Variants in NYAP2 observed in about 807,000 individuals in gnomAD.
The protein encoded by NYAP2 is neuronal tyrosine-phosphorylated phosphoinositide-3-kinase adapter 2.
A neutral mutation model predicts 50.4 loss-of-function variants in NYAP2; 23 were observed. The ratio of observed to expected loss-of-function variants is 0.46; its 90% CI spans 0.33 to 0.65. The LOEUF (loss-of-function observed/expected upper bound fraction) is 0.65. Ranked by LOEUF, NYAP2 falls within the 30% of genes least tolerant of loss-of-function variation. The pLI is 0.02. For missense variants in NYAP2, 885 were observed against 861.0 expected (o/e 1.03, Z -0.35); for synonymous variants, 394 against 365.2 (o/e 1.08, Z -0.90).
At chr2:225,591,738 AATG>A (rs1240363293) in intron 5 of NYAP2, among the ~76,000 whole-genome samples, 1 of 152,168 alleles carries the variant, frequency 6.6e-6, no homozygotes, top group Non-Finnish European at 1.5e-5. Flanking sequence ...TCTTCGATTT[AATG>A]ATACCTTATC....
At chr2:225,522,763 C>A (rs1024456000) in intron 4 of NYAP2, among the ~76,000 whole-genome samples, 1 of 152,114 alleles carries the variant, frequency 6.6e-6, no homozygotes, top group Non-Finnish European at 1.5e-5. Flanking sequence ...CTATCCAGGT[C>A]ATAGAGCCAG....
At chr2:225,525,676 G>GTGCACTA (rs1691138115) in intron 4 of NYAP2, among the ~76,000 whole-genome samples, 1 of 152,116 alleles carries the variant, frequency 6.6e-6, no homozygotes, top group Admixed American at 6.6e-5. Context: ...TGGATACAAT[G>GTGCACTA]TGCACTATTT....
At chr2:225,455,202 C>T (rs1488432224) in intron 3 of NYAP2, among the ~76,000 whole-genome samples, 1 of 152,208 alleles carries the variant, frequency 6.6e-6, no homozygotes, top group Non-Finnish European at 1.5e-5. Flanking sequence ...TTTCAGACTC[C>T]TGAACTCCAC....
intron 4 of NYAP2, among the ~76,000 whole-genome samples, chr2:225,556,714 A>G (rs1691782030): frequency 6.6e-6 from 1 of 151,198 alleles, no homozygotes. Context: ...CTTCCTAGGA[A>G]CAGCTCTACA....
intron 5 of NYAP2, among the ~76,000 whole-genome samples, chr2:225,621,040 G>C (rs1693094122): frequency 6.6e-6 from 1 of 151,740 alleles, no homozygotes; most frequent in African/African-American, 2.4e-5. Flanking sequence ...CATGAACCCG[G>C]GAGGCGGAGC....
intron 3 of NYAP2, among the ~76,000 whole-genome samples, chr2:225,409,421 T>C (rs1434471418): frequency 6.6e-6 from 1 of 152,092 alleles, no homozygotes; most frequent in Non-Finnish European, 1.5e-5. Flanking sequence ...ACAAACCTTT[T>C]AATAGCCCAA....
the NYAP2 span, among the ~76,000 whole-genome samples, chr2:225,696,479 A>C: frequency 1.3e-5 from 2 of 151,992 alleles, no homozygotes; most frequent in Admixed American, 6.6e-5. Flanking sequence ...ACTCATTCAG[A>C]TAAAGAAGCC....
chr2:225,425,677 T>C (rs1174874864), intron 3 of NYAP2, among the ~76,000 whole-genome samples: 1 of 152,214 alleles, frequency 6.6e-6, no homozygotes, highest in Non-Finnish European at 1.5e-5. Context: ...TGTGGTAGGA[T>C]GGAAACGACT....
At chr2:225,518,117 TACAC>T (rs1690968314) in intron 4 of NYAP2, among the ~76,000 whole-genome samples, 1 of 151,720 alleles carries the variant, frequency 6.6e-6, no homozygotes, top group Non-Finnish European at 1.5e-5. Flanking sequence ...TTCATACACA[TACAC>T]ACACAAACAC....
intron 4 of NYAP2, among the ~76,000 whole-genome samples, chr2:225,554,947 A>G (rs1234791892): frequency 1.3e-5 from 2 of 152,194 alleles, no homozygotes; most frequent in African/African-American, 4.8e-5. Context: ...AATAACAGCT[A>G]ATGAAAAGAT....
chr2:225,417,268 G>C (rs1695142225), intron 3 of NYAP2, among the ~76,000 whole-genome samples: 1 of 152,092 alleles, frequency 6.6e-6, no homozygotes, highest in South Asian at 2.1e-4. Context: ...TAATAAAATT[G>C]CTCCAAGTCT....
intron 3 of NYAP2, among the ~76,000 whole-genome samples, chr2:225,409,865 G>C (rs1695005648): frequency 6.6e-6 from 1 of 152,026 alleles, no homozygotes; most frequent in Non-Finnish European, 1.5e-5. Flanking sequence ...ATGGAGTCCT[G>C]TTTCTTCAAA....
intron 2 of NYAP2, among the ~76,000 whole-genome samples, chr2:225,401,517 G>C (rs1694862575): frequency 6.6e-6 from 1 of 151,968 alleles, no homozygotes; most frequent in African/African-American, 2.4e-5. Context: ...CAGACAAACA[G>C]CAAAGCCGAC....
At chr2:225,566,929 G>T (rs908530232) in intron 4 of NYAP2, among the ~76,000 whole-genome samples, 2 of 152,080 alleles carry the variant, frequency 1.3e-5, no homozygotes, top group Non-Finnish European at 2.9e-5. Flanking sequence ...GTGTGTGTGT[G>T]TGTGCGTGTG....
chr2:225,561,239 A>G (rs748288934), intron 4 of NYAP2, among the ~76,000 whole-genome samples: 1 of 152,064 alleles, frequency 6.6e-6, no homozygotes. Context: ...ATGAGGTGAT[A>G]TTTGACCTGA....
chr2:225,430,296 T>C (rs1347800196), intron 3 of NYAP2, among the ~76,000 whole-genome samples: 1 of 152,230 alleles, frequency 6.6e-6, no homozygotes, highest in Non-Finnish European at 1.5e-5. Context: ...ATGAATAACA[T>C]GAAGCCTTTC....
At chr2:225,453,419 C>T (rs1490779594) in intron 3 of NYAP2, among the ~76,000 whole-genome samples, 2 of 152,092 alleles carry the variant, frequency 1.3e-5, no homozygotes, top group Non-Finnish European at 2.9e-5. Context: ...TCAAGCTTCC[C>T]AGTGATGCCA....
intron 4 of NYAP2, among the ~76,000 whole-genome samples, chr2:225,546,899 C>A (rs1237640721): frequency 7.2e-5 from 11 of 152,248 alleles, no homozygotes; most frequent in Middle Eastern, 6.8e-3. Context: ...CTTTAATCAG[C>A]AGGTGATAAA....
downstream of NYAP2, among the ~76,000 whole-genome samples, chr2:225,656,789 G>A (rs1266288427): frequency 1.3e-5 from 2 of 152,128 alleles, no homozygotes; most frequent in Non-Finnish European, 2.9e-5. Flanking sequence ...CAGTTCAGAG[G>A]TCTTCCTCCA....
Sources: allele counts gnomAD v4.1 joint callset (sites outside exome capture counted in the v4.1 genomes callset), GRCh38; gene constraint gnomAD v4.1.1; transcripts MANE v1.5; gene names NCBI Gene and HGNC (gene_info 2026-07-23, HGNC 2026-07-21).